The following XKR4 variants were observed in gnomAD, a reference collection of about 807,000 sequenced individuals.
XKR4 encodes XK-related protein 4.
In XKR4, 12 loss-of-function variants were observed where a neutral mutation model predicts 53.9. The ratio of observed to expected loss-of-function variants is 0.22; its 90% CI spans 0.14 to 0.36. XKR4 has a LOEUF of 0.36. Among genes scored for constraint, XKR4 ranks in the 10% least tolerant of loss-of-function variants. XKR4 has a pLI of 1.00. For synonymous variants in XKR4, 354 were observed against 362.4 expected, an observed-to-expected ratio of 0.98 and a Z score of 0.26; for missense variants, 799 against 859.5, an observed-to-expected ratio of 0.93 and a Z score of 0.88.
In XKR4 at chr8:55,276,268, T is replaced by A. The variant is rs113591239; in HGVS notation, c.807-81410T>A. ...GGTTTGGGGATGAACAGTAGAAAGC[T>A]GAAGGGACTTTCACCCAGAGAAACA... On this transcript the variant is annotated intron_variant, in intron 1 of 2. Transcript: ENST00000327381. Among the ~76,000 whole-genome samples the A allele has an allele frequency of 6.5e-3, 985 of 152,314 alleles. 15 individuals are homozygous for A. Among genetic ancestry groups the A allele is most frequent in the African/African-American group, 0.022 (919 of 41,578 alleles).
intron 1 of XKR4, among the ~76,000 whole-genome samples, chr8:55,247,252 C>G (rs193187126): frequency 6.6e-6 from 1 of 152,294 alleles, no homozygotes; most frequent in Non-Finnish European, 1.5e-5. Flanking sequence ...AAGCTATGAG[C>G]TGGAAAGTTT....
At chr8:55,108,352 A>G (rs965564999) in intron 1 of XKR4, among the ~76,000 whole-genome samples, 3 of 152,158 alleles carry the variant, frequency 2.0e-5, no homozygotes, top group African/African-American at 7.2e-5. Context: ...GAAGGATTAT[A>G]GGGGGTGAGG....
At chr8:55,169,859 T>C (rs1817133282) in intron 1 of XKR4, among the ~76,000 whole-genome samples, 1 of 152,238 alleles carries the variant, frequency 6.6e-6, no homozygotes, top group Admixed American at 6.5e-5. Context: ...AAAGGAGTCA[T>C]CGTGTGCAAG....
intron 1 of XKR4, among the ~76,000 whole-genome samples, chr8:55,346,080 TC>T (rs914920769): frequency 6.7e-6 from 1 of 148,186 alleles, no homozygotes; most frequent in African/African-American, 2.6e-5. Context: ...ATTTTCTTTT[TC>T]TTTTTTTTTT....
chr8:55,363,951 G>T (rs1458589639), intron 2 of XKR4, among the ~76,000 whole-genome samples: 4 of 152,224 alleles, frequency 2.6e-5, no homozygotes, highest in Admixed American at 2.6e-4. Context: ...AGTTTATAAT[G>T]TGACGCTATA....
chr8:55,503,103 C>T (rs538279040), intron 2 of XKR4, among the ~76,000 whole-genome samples: 1 of 152,098 alleles, frequency 6.6e-6, no homozygotes, highest in Non-Finnish European at 1.5e-5. Context: ...ATTACTGTAG[C>T]TTTGTAGTAA....
intron 1 of XKR4, among the ~76,000 whole-genome samples, chr8:55,172,868 AGACGTAT>A (rs1371787498): frequency 6.6e-6 from 1 of 152,210 alleles, no homozygotes; most frequent in East Asian, 1.9e-4. Flanking sequence ...AATGAGAGCT[AGACGTAT>A]GACCCCTTGA....
chr8:55,457,710 A>G (rs992683571), intron 2 of XKR4, among the ~76,000 whole-genome samples: 2 of 152,230 alleles, frequency 1.3e-5, no homozygotes, highest in African/African-American at 4.8e-5. Context: ...ATGTAGGTAG[A>G]TTGAAAGACC....
At chr8:55,395,870 A>C (rs1283186035) in intron 2 of XKR4, among the ~76,000 whole-genome samples, 1 of 152,224 alleles carries the variant, frequency 6.6e-6, no homozygotes, top group Non-Finnish European at 1.5e-5. Context: ...CTTCAACAAC[A>C]GACATTTATT....
intron 1 of XKR4, among the ~76,000 whole-genome samples, chr8:55,234,773 G>A (rs529981729): frequency 9.9e-5 from 15 of 152,238 alleles, no homozygotes; most frequent in East Asian, 7.7e-4. Flanking sequence ...ATAATCAAAC[G>A]CATTAAAGAC....
intron 1 of XKR4, among the ~76,000 whole-genome samples, chr8:55,263,848 C>G (rs542076728): frequency 1.3e-5 from 2 of 152,322 alleles, no homozygotes; most frequent in Non-Finnish European, 1.5e-5. Flanking sequence ...AGTCATCAAG[C>G]CACACTCAGG....
chr8:55,131,701 A>G (rs1031644151), intron 1 of XKR4, among the ~76,000 whole-genome samples: 1 of 152,072 alleles, frequency 6.6e-6, no homozygotes, highest in African/African-American at 2.4e-5. Context: ...TGAGTTCAGT[A>G]AAGGAAGTAA....
chr8:55,388,143 T>C (rs185332565), intron 2 of XKR4, among the ~76,000 whole-genome samples: 1 of 152,364 alleles, frequency 6.6e-6, no homozygotes, highest in Admixed American at 6.5e-5. Flanking sequence ...CTTTCTACTT[T>C]TAAATGTTTG....
intron 2 of XKR4, among the ~76,000 whole-genome samples, chr8:55,379,736 C>T (rs1327841447): frequency 6.6e-6 from 1 of 152,146 alleles, no homozygotes; most frequent in Non-Finnish European, 1.5e-5. Context: ...TTTGTTTGGC[C>T]CCAACCAGCT....
intron 2 of XKR4, among the ~76,000 whole-genome samples, chr8:55,419,110 C>T (rs1446861847): frequency 6.6e-6 from 1 of 152,080 alleles, no homozygotes; most frequent in African/African-American, 2.4e-5. Context: ...GAGGGCCAGG[C>T]ACGGTGGCTC....
At chr8:55,348,282 T>A (rs1245320284) in intron 1 of XKR4, among the ~76,000 whole-genome samples, 1 of 152,158 alleles carries the variant, frequency 6.6e-6, no homozygotes, top group East Asian at 1.9e-4. Flanking sequence ...AGAGCCACTG[T>A]TCATGGCAGC....
chr8:55,450,020 A>G, intron 2 of XKR4: 1 of 782,782 alleles, frequency 1.3e-6, no homozygotes, highest in South Asian at 1.5e-5. Context: ...GGTGCGGTGG[A>G]CACTAGGAGG....
intron 2 of XKR4, among the ~76,000 whole-genome samples, chr8:55,492,567 T>C (rs1199091113): frequency 6.6e-6 from 1 of 152,244 alleles, no homozygotes; most frequent in African/African-American, 2.4e-5. Flanking sequence ...TGAGTACTCT[T>C]TGTGATTGCC....
chr8:55,449,913 G>T (rs1370821599), intron 2 of XKR4: 3 of 870,358 alleles, frequency 3.4e-6, no homozygotes, highest in South Asian at 2.6e-5. Context: ...AGCCAGATGC[G>T]GTCGAGCCTC....
Sources: gnomAD v4.1 joint callset for allele counts (sites outside exome capture counted in the v4.1 genomes callset) on GRCh38, gnomAD v4.1.1 for gene constraint, MANE v1.5 for transcripts, NCBI Gene and HGNC (gene_info 2026-07-23, HGNC 2026-07-21) for gene names.